IFT80: variants seen among roughly 807,000 people sequenced by gnomAD.
IFT80 encodes the protein intraflagellar transport 80, also known as intraflagellar transport protein 80 homolog.
Under a neutral mutation model 107.9 loss-of-function variants are expected in IFT80, and 79 were observed. That is an observed-to-expected ratio of 0.73 (90% CI 0.61 to 0.88). The LOEUF is 0.88. Ranked by LOEUF, IFT80 falls within the 40% of genes least tolerant of loss-of-function variation. The pLI, the probability that IFT80 is intolerant of heterozygous loss-of-function variation, is 0.00. For synonymous variants in IFT80, 299 were observed against 300.9 expected, an observed-to-expected ratio of 0.99 and a Z score of 0.07; for missense variants, 797 against 914.2, an observed-to-expected ratio of 0.87 and a Z score of 1.65.
chr3:160,318,473 A>G (rs1035007347), intron 9 of IFT80, among the ~76,000 whole-genome samples: 3 of 152,044 alleles, frequency 2.0e-5, no homozygotes, highest in Admixed American at 2.0e-4. Context: ...GAGGATTTGC[A>G]TTGGCACATG....
chr3:160,263,591 C>A (rs1357169981), intron 19 of IFT80, among the ~76,000 whole-genome samples: 1 of 152,140 alleles, frequency 6.6e-6, no homozygotes, highest in East Asian at 1.9e-4. Context: ...AAGTGACTGG[C>A]AAAATCTTAA....
intron 12 of IFT80, among the ~76,000 whole-genome samples, chr3:160,293,232 G>T (rs1470733189): frequency 6.6e-6 from 1 of 152,184 alleles, no homozygotes; most frequent in Non-Finnish European, 1.5e-5. Flanking sequence ...GACCTCTCCT[G>T]CCTGGAACTT....
rs183386725 is a variant in IFT80, at chr3:160,260,308, G to A, written c.2224-1673C>T. On this transcript the variant is annotated intron_variant, in intron 19 of 19. Coordinates refer to ENST00000326448, the MANE Select transcript of IFT80 (RefSeq NM_020800.3). Reference sequence around the variant, plus strand: ...TTTGAAAGACTCATTTTTTCAATCAGGGCAAAATCTGATATTTTTTAAACG... The same window carrying A: ...TTTGAAAGACTCATTTTTTCAATCAAGGCAAAATCTGATATTTTTTAAACG... 2.8e-4 allele frequency among the ~76,000 whole-genome samples: 43 copies of A among 152,220 alleles called. No homozygotes were observed. In the East Asian group the frequency reaches 3.5e-3, roughly 12 times the overall value.
At chr3:160,386,265 T>C (rs1184727343) in intron 1 of IFT80, among the ~76,000 whole-genome samples, 1 of 152,174 alleles carries the variant, frequency 6.6e-6, no homozygotes, top group African/African-American at 2.4e-5. Context: ...ATGAATGACA[T>C]GTGTACTTTC....
At chr3:160,346,672 C>T (rs1439401069) in intron 8 of IFT80, among the ~76,000 whole-genome samples, 1 of 151,348 alleles carries the variant, frequency 6.6e-6, no homozygotes, top group African/African-American at 2.4e-5. Flanking sequence ...TTGCAGACTG[C>T]TTTTTGTGTG....
At chr3:160,320,325 T>G (rs942293148) in intron 8 of IFT80, among the ~76,000 whole-genome samples, 5 of 151,948 alleles carry the variant, frequency 3.3e-5, no homozygotes, top group African/African-American at 1.2e-4. Flanking sequence ...TTACAATATT[T>G]TAAGAATGTC....
intron 18 of IFT80, among the ~76,000 whole-genome samples, chr3:160,272,633 CTT>C (rs753652540): frequency 6.6e-6 from 1 of 152,106 alleles, no homozygotes; most frequent in Non-Finnish European, 1.5e-5. Flanking sequence ...TTGCTGCTCT[CTT>C]TTCTTAAGTT....
intron 9 of IFT80, among the ~76,000 whole-genome samples, chr3:160,316,126 T>G (rs142654801): frequency 1.3e-5 from 2 of 152,254 alleles, no homozygotes; most frequent in Non-Finnish European, 2.9e-5. Flanking sequence ...CTGTGACTTA[T>G]GTCTTGCTTG....
At chr3:160,346,325 T>C (rs1440857992) in intron 8 of IFT80, among the ~76,000 whole-genome samples, 1 of 152,218 alleles carries the variant, frequency 6.6e-6, no homozygotes, top group South Asian at 2.1e-4. Flanking sequence ...CCTTCCACGA[T>C]GTATACATAT....
chr3:160,375,890 GAA>G lies in IFT80; in HGVS notation c.371-12_371-11del. On this transcript the variant is annotated splice_polypyrimidine_tract_variant and intron_variant, in intron 4 of 19. Coordinates refer to ENST00000326448, the MANE Select transcript of IFT80 (RefSeq NM_020800.3). ...TGTCCATCTTCTCCAACTATACAGG[GAA>G]AAAAAAATTAATCAGTATTTTTACC... 1.3e-6 allele frequency: 2 copies of G among 1,558,948 alleles called. No individual in the cohort carries two copies. Among genetic ancestry groups the G allele is most frequent in the African/African-American group, 1.4e-5 (1 of 73,066 alleles).
intron 7 of IFT80, among the ~76,000 whole-genome samples, chr3:160,356,504 T>G (rs1721101727): frequency 6.6e-6 from 1 of 152,124 alleles, no homozygotes; most frequent in Admixed American, 6.5e-5. Flanking sequence ...TTTGAAATGT[T>G]TAGTTCTTAG....
intron 8 of IFT80, among the ~76,000 whole-genome samples, chr3:160,352,648 T>C (rs890866117): frequency 6.6e-6 from 1 of 152,196 alleles, no homozygotes; most frequent in Non-Finnish European, 1.5e-5. Flanking sequence ...AGAATGTGTA[T>C]TTTTGCAATA....
chr3:160,375,430 T>G (rs887862065), intron 5 of IFT80, among the ~76,000 whole-genome samples: 3 of 152,186 alleles, frequency 2.0e-5, no homozygotes, highest in Non-Finnish European at 4.4e-5. Context: ...ATCGGGGATT[T>G]TTAAGTAAGG....
intron 10 of IFT80, 89 bp from the exon 11 acceptor site, chr3:160,304,078 T>C (rs1716645208): frequency 1.1e-6 from 1 of 874,608 alleles, no homozygotes; most frequent in African/African-American, 1.7e-5. Flanking sequence ...TAAATAAAGT[T>C]ACTTCAGTTT....
intron 1 of IFT80, among the ~76,000 whole-genome samples, chr3:160,396,030 C>T (rs1713753662): frequency 6.6e-6 from 1 of 152,088 alleles, no homozygotes; most frequent in Admixed American, 6.5e-5. Context: ...GTTATTCTTA[C>T]AGCACTACCC....
At chr3:160,391,129 G>A (rs1049713662) in intron 1 of IFT80, among the ~76,000 whole-genome samples, 17 of 152,142 alleles carry the variant, frequency 1.1e-4, no homozygotes, top group African/African-American at 2.7e-4. Context: ...GCCCTGCTCC[G>A]CAAGGAACAG....
chr3:160,351,364 G>A (rs184914360), intron 8 of IFT80, among the ~76,000 whole-genome samples: 4 of 149,198 alleles, frequency 2.7e-5, no homozygotes, highest in Admixed American at 2.0e-4. Flanking sequence ...TAGAGATTTA[G>A]ATTGCTTTTC....
intron 1 of IFT80, among the ~76,000 whole-genome samples, chr3:160,395,366 C>T (rs1713695540): frequency 6.6e-6 from 1 of 152,200 alleles, no homozygotes; most frequent in African/African-American, 2.4e-5. Flanking sequence ...ACACAGTAAG[C>T]ACTTAATAAA....
chr3:160,268,384 A>G (rs1713515795), intron 19 of IFT80, 29 bp downstream of exon 19: 19 of 1,566,408 alleles, frequency 1.2e-5, no homozygotes, highest in Non-Finnish European at 1.7e-5. Context: ...AAGCATATGT[A>G]TTATTATACA....
Sources: gnomAD v4.1 joint callset for allele counts (sites outside exome capture counted in the v4.1 genomes callset) on GRCh38, gnomAD v4.1.1 for gene constraint, MANE v1.5 for transcripts, NCBI Gene and HGNC (gene_info 2026-07-23, HGNC 2026-07-21) for gene names.